Variants in GABRG3 observed in about 807,000 individuals in gnomAD.
The protein encoded by GABRG3 is gamma-aminobutyric acid receptor subunit gamma-3.
In GABRG3, 25 loss-of-function variants were observed where a neutral mutation model predicts 48.8. The observed-to-expected ratio is 0.51, with a 90% CI of 0.37 to 0.72. The LOEUF (loss-of-function observed/expected upper bound fraction) is 0.72, where lower values mean the gene tolerates loss of function less well. GABRG3 is among the 30% of genes least tolerant of loss of function. The probability of loss-of-function intolerance (pLI) is 0.00; values close to 1 mark genes in which losing one functional copy is unlikely to be tolerated. For synonymous variants in GABRG3, 227 were observed against 217.6 expected (o/e 1.04, Z -0.38); for missense variants, 394 against 577.9 (o/e 0.68, Z 3.26).
intron 7 of GABRG3, 89 bp from the exon 8 acceptor site, chr15:27,527,344 C>A: frequency 2.5e-6 from 3 of 1,188,786 alleles, no homozygotes; most frequent in Admixed American, 2.1e-5. Flanking sequence ...GTAAGGCAGC[C>A]GTGCTGGGGT....
intron 2 of GABRG3, among the ~76,000 whole-genome samples, chr15:26,984,221 C>CT (rs1047427384): frequency 7.3e-5 from 11 of 151,424 alleles, no homozygotes; most frequent in South Asian, 6.3e-4. Context: ...GAGGACTGGT[C>CT]TTTTTTTTTC....
chr15:27,529,362 T>C (rs1259806700), intron 9 of GABRG3, among the ~76,000 whole-genome samples: 2 of 152,230 alleles, frequency 1.3e-5, no homozygotes, highest in African/African-American at 4.8e-5. Flanking sequence ...TTTTATCATA[T>C]AACAACTTTT....
intron 6 of GABRG3, among the ~76,000 whole-genome samples, chr15:27,497,043 C>A (rs1372705633): frequency 6.6e-6 from 1 of 152,178 alleles, no homozygotes; most frequent in Admixed American, 6.5e-5. Flanking sequence ...AGTCCATAGC[C>A]CAGATGCAGG....
intron 3 of GABRG3, among the ~76,000 whole-genome samples, chr15:27,077,003 G>T (rs1349909689): frequency 6.6e-6 from 1 of 152,202 alleles, no homozygotes; most frequent in Non-Finnish European, 1.5e-5. Flanking sequence ...CAGGTGACCT[G>T]CTCCAACCCG....
Position 27,248,799 on chromosome 15 carries a change from CACACAGAGAGAG to C in GABRG3, c.271-78008_271-77997del, listed in dbSNP as rs1234813735. Among the ~76,000 whole-genome samples the C allele has an allele frequency of 2.1e-4, 24 of 115,616 alleles. No individual in the cohort carries two copies. In the South Asian group the frequency reaches 4.4e-3, roughly 21 times the overall value. The allele number at this position is 115,616 out of a possible 152,430, so 75.8% of individuals were successfully genotyped here. On this transcript the variant is annotated intron_variant, in intron 3 of 9. Coordinates refer to ENST00000615808, the MANE Select transcript of GABRG3 (RefSeq NM_033223.5). ...ACACACACACACACACACACACACA[CACACAGAGAGAG>C]AGAGAGAGAGAGAGAGAGAGAGAGA...
intron 3 of GABRG3, among the ~76,000 whole-genome samples, chr15:27,056,374 G>A (rs68044298): frequency 2.9e-3 from 400 of 137,030 alleles, no homozygotes; most frequent in Middle Eastern, 0.019. Flanking sequence ...AAAAAAAAAA[G>A]AAAAGAAAAA....
intron 3 of GABRG3, among the ~76,000 whole-genome samples, chr15:27,191,223 G>A (rs1162713482): frequency 6.6e-6 from 1 of 152,184 alleles, no homozygotes; most frequent in Non-Finnish European, 1.5e-5. Flanking sequence ...GGAGAGTTCT[G>A]TAGATGTCTA....
intron 5 of GABRG3, among the ~76,000 whole-genome samples, chr15:27,361,214 T>A (rs1895013115): frequency 6.6e-6 from 1 of 152,160 alleles, no homozygotes; most frequent in Admixed American, 6.5e-5. Flanking sequence ...TGTGGCACTT[T>A]GAGCTGGAGG....
intron 3 of GABRG3, among the ~76,000 whole-genome samples, chr15:27,307,068 AT>A (rs1892581668): frequency 1.6e-5 from 2 of 127,324 alleles, no homozygotes; most frequent in African/African-American, 3.2e-5. Context: ...AACATGTATA[AT>A]ATAAACATGT....
intron 2 of GABRG3, among the ~76,000 whole-genome samples, chr15:27,025,157 T>C (rs150879896): frequency 2.0e-5 from 3 of 152,302 alleles, no homozygotes; most frequent in Non-Finnish European, 4.4e-5. Flanking sequence ...GTTGCACTTA[T>C]TACATTTGCC....
chr15:27,351,701 G>A (rs1352970076), intron 5 of GABRG3, among the ~76,000 whole-genome samples: 1 of 150,086 alleles, frequency 6.7e-6, no homozygotes. Flanking sequence ...CTGTGTGTGT[G>A]TATGGGGTAT....
chr15:27,215,073 T>G (rs755790017), intron 3 of GABRG3, among the ~76,000 whole-genome samples: 8 of 152,240 alleles, frequency 5.3e-5, no homozygotes, highest in Non-Finnish European at 1.0e-4. Flanking sequence ...TCATTTCTTT[T>G]TCTTTTGTCC....
chr15:27,371,387 A>T lies in GABRG3; in HGVS notation c.574+42499A>T, dbSNP rs115470841. 7.1e-3 allele frequency among the ~76,000 whole-genome samples: 1,083 copies of T among 152,310 alleles called. 15 individuals are homozygous for T. The highest frequency in any genetic ancestry group is 0.025 in the African/African-American group (1,042 of 41,570). ...AGCCTTGGTGAGGCGATGCATATAA[A>T]TTCATAAAGGAAATTCCTGATCACA... On this transcript the variant is annotated intron_variant, in intron 5 of 9. Coordinates refer to ENST00000615808, the MANE Select transcript of GABRG3 (RefSeq NM_033223.5).
At chr15:27,046,175 C>T (rs373392214) in intron 3 of GABRG3, among the ~76,000 whole-genome samples, 1 of 152,122 alleles carries the variant, frequency 6.6e-6, no homozygotes, top group African/African-American at 2.4e-5. Flanking sequence ...CTCACCGCAA[C>T]GTCCGTCTCC....
chr15:27,238,945 A>C (rs1452605849), intron 3 of GABRG3, among the ~76,000 whole-genome samples: 2 of 152,212 alleles, frequency 1.3e-5, no homozygotes, highest in African/African-American at 4.8e-5. Context: ...ACAAACAGAA[A>C]CCAAAATTTG....
Position 27,136,972 on chromosome 15 carries a change from C to T in GABRG3, c.270+110151C>T, listed in dbSNP as rs577657280. 3.3e-4 allele frequency among the ~76,000 whole-genome samples: 51 copies of T among 152,268 alleles called. 1 individual carries two copies. The South Asian group carries it at 9.3e-3, about 28-fold the overall frequency. On this transcript the variant is annotated intron_variant, in intron 3 of 9. Transcript: ENST00000615808. The stretch of plus-strand genomic sequence containing the variant: ...CCTCTTCTCCAAGAGAAGAGCCTGA[C>T]GCCCACCAGGATGGATGAGATGCTT...
chr15:27,133,580 T>C (rs893467300), intron 3 of GABRG3, among the ~76,000 whole-genome samples: 3 of 152,244 alleles, frequency 2.0e-5, no homozygotes, highest in African/African-American at 7.2e-5. Flanking sequence ...TGACATGTTT[T>C]TATACTGACA....
At chr15:27,308,533 TA>T (rs965514078) in intron 3 of GABRG3, among the ~76,000 whole-genome samples, 2 of 147,540 alleles carry the variant, frequency 1.4e-5, no homozygotes, top group Admixed American at 1.4e-4. Context: ...CATGTTTATA[TA>T]AACATATATA....
chr15:27,501,571 A>T (rs1308460939), intron 6 of GABRG3, among the ~76,000 whole-genome samples: 5 of 152,138 alleles, frequency 3.3e-5, no homozygotes, highest in Non-Finnish European at 7.4e-5. Context: ...CAGGTCTCCT[A>T]ACTGACAGCT....
Sources: allele counts gnomAD v4.1 joint callset (sites outside exome capture counted in the v4.1 genomes callset), GRCh38; gene constraint gnomAD v4.1.1; transcripts MANE v1.5; gene names NCBI Gene and HGNC (gene_info 2026-07-23, HGNC 2026-07-21).